The following KCNK10 variants were observed in gnomAD, a reference collection of about 807,000 sequenced individuals.
KCNK10 encodes the protein potassium two pore domain channel subfamily K member 10, also known as potassium channel subfamily K member 10.
Under a neutral mutation model 47.7 loss-of-function variants are expected in KCNK10, and 25 were observed. That is an observed-to-expected ratio of 0.52 (90% CI 0.38 to 0.73). The LOEUF is 0.73. Among genes scored for constraint, KCNK10 ranks in the 30% least tolerant of loss-of-function variants. KCNK10 has a pLI of 0.00. For synonymous variants in KCNK10, 303 were observed against 285.6 expected (o/e 1.06, Z -0.61); for missense variants, 563 against 714.5 (o/e 0.79, Z 2.42).
chr14:88,185,387 A>G lies in KCNK10; in HGVS notation c.*148T>C. 8.6e-7 allele frequency: 1 copy of G among 1,158,856 alleles called. No homozygotes were observed. The allele number at this position is 1,158,856 out of a possible 1,614,324, so 71.8% of individuals were successfully genotyped here. On this transcript the variant is annotated 3_prime_UTR_variant, in exon 7 of 7. Coordinates refer to ENST00000319231, the MANE Select transcript of KCNK10 (RefSeq NM_138317.3). The surrounding 1 kb of genome is among the most constrained non-coding windows in gnomAD (Gnocchi z 4.3). ...ATTCCTTTTGGCAGAGCAAGCTTTC[A>G]GTTGTTTATGGCACAGTGAAATATA... is the stretch of plus-strand genomic sequence containing the variant.
At chr14:88,310,254 T>TCATATGGTATATGATATACCA (rs1888300023) in intron 1 of KCNK10, among the ~76,000 whole-genome samples, 1 of 25,244 alleles carries the variant, frequency 4.0e-5, no homozygotes, top group African/African-American at 2.3e-4. Context: ...TGATATGCAT[T>TCATATGGTATATGATATACCA]TATCATGGTA....
At chr14:88,191,715 T>C (rs1056583175) in intron 5 of KCNK10, among the ~76,000 whole-genome samples, 3 of 152,210 alleles carry the variant, frequency 2.0e-5, no homozygotes, top group Non-Finnish European at 4.4e-5. Flanking sequence ...CTCTGGGCAG[T>C]TCTCAGCTCC....
At chr14:88,226,284 T>C (rs1595091354) in intron 4 of KCNK10, among the ~76,000 whole-genome samples, 1 of 152,192 alleles carries the variant, frequency 6.6e-6, no homozygotes, top group East Asian at 1.9e-4. Context: ...TTCTACTCTT[T>C]TTAAAAAGCC....
chr14:88,235,273 T>A (rs1186106271), intron 3 of KCNK10: 1 of 456,450 alleles, frequency 2.2e-6, no homozygotes, highest in South Asian at 1.6e-5. Context: ...GAATATCCAG[T>A]TTGCCTGGGG....
intron 1 of KCNK10, among the ~76,000 whole-genome samples, chr14:88,290,712 T>C (rs1406373551): frequency 6.6e-6 from 1 of 152,076 alleles, no homozygotes; most frequent in African/African-American, 2.4e-5. Flanking sequence ...AAGATGAAAA[T>C]TTACAGATGA....
At chr14:88,291,794 C>T (rs1317903969) in intron 1 of KCNK10, among the ~76,000 whole-genome samples, 2 of 152,154 alleles carry the variant, frequency 1.3e-5, no homozygotes, top group Admixed American at 1.3e-4. Flanking sequence ...GGAGGGTAGG[C>T]AACAGTGGAG....
In KCNK10 at chr14:88,260,462, G is replaced by A. The variant is rs1419109630; in HGVS notation, c.402+2740C>T. On this transcript the variant is annotated intron_variant, in intron 2 of 6. Coordinates refer to ENST00000319231, the MANE Select transcript of KCNK10 (RefSeq NM_138317.3). This position sits in a 1 kb window ranked among gnomAD's most constrained non-coding sequence, Gnocchi z 4.5. ...TTAGTCTCAGATAGTTCTTTATAGT[G>A]AGAATGGACTAATACAGCATTCAAC... 6.6e-6 allele frequency among the ~76,000 whole-genome samples: 1 copy of A among 152,148 alleles called. No homozygotes were observed. The highest frequency in any genetic ancestry group is 1.5e-5 in the Non-Finnish European group (1 of 68,028).
At chr14:88,246,963 T>C (rs1424628767) in intron 2 of KCNK10, among the ~76,000 whole-genome samples, 1 of 152,142 alleles carries the variant, frequency 6.6e-6, no homozygotes, top group Non-Finnish European at 1.5e-5. Context: ...GAGTACAGAT[T>C]AACTCAGCCC....
intron 3 of KCNK10, among the ~76,000 whole-genome samples, chr14:88,229,597 A>G (rs1886098604): frequency 6.6e-6 from 1 of 152,216 alleles, no homozygotes; most frequent in Non-Finnish European, 1.5e-5. Context: ...GCAATACTCA[A>G]ACAAGCCTTT....
At chr14:88,190,946 C>T (rs1421504412) in intron 5 of KCNK10, among the ~76,000 whole-genome samples, 1 of 152,078 alleles carries the variant, frequency 6.6e-6, no homozygotes, top group African/African-American at 2.4e-5. Context: ...TGGGATCACA[C>T]GCCAAACAAG....
In KCNK10 at chr14:88,312,597, CACT is replaced by C. The variant is rs374853557; in HGVS notation, c.52+10147_52+10149del. 2.8e-3 allele frequency among the ~76,000 whole-genome samples: 431 copies of C among 152,334 alleles called. 2 individuals carry two copies. Among genetic ancestry groups the C allele is most frequent in the African/African-American group, 9.8e-3 (406 of 41,578 alleles). ...TACCCAAGAAAGTTAAGTTGTCAGT[CACT>C]GAATCTGTAAAAGAAGGGACATTGC... On this transcript the variant is annotated intron_variant, in intron 1 of 6. Transcript: ENST00000319231.
chr14:88,185,085 C>T lies in KCNK10; in HGVS notation c.*450G>A, dbSNP rs1337425612. ...AGAGCACATGCCAAAATGTCAACTC[C>T]AACGCTAGTTACACATAACCAGCTC... On this transcript the variant is annotated 3_prime_UTR_variant, in exon 7 of 7. Coordinates refer to ENST00000319231, the MANE Select transcript of KCNK10 (RefSeq NM_138317.3). This position sits in a 1 kb window ranked among gnomAD's most constrained non-coding sequence, Gnocchi z 4.3. 6.0e-6 allele frequency: 1 copy of T among 165,352 alleles called. No homozygotes were observed. Among genetic ancestry groups the T allele is most frequent in the Admixed American group, 5.7e-5 (1 of 17,430 alleles). 10.2% of individuals were successfully genotyped at this position (165,352 alleles called of 1,614,324 possible).
chr14:88,275,143 G>C (rs574976864), intron 1 of KCNK10, among the ~76,000 whole-genome samples: 76 of 152,120 alleles, frequency 5.0e-4, no homozygotes, highest in Non-Finnish European at 9.3e-4. Context: ...TGGGGTAGGG[G>C]CTGTTCAGTC....
In KCNK10 at chr14:88,181,203, C is replaced by T. The variant is rs1178596650; in HGVS notation, c.*4332G>A. On this transcript the variant is annotated 3_prime_UTR_variant, in exon 7 of 7. Coordinates refer to ENST00000319231, the MANE Select transcript of KCNK10 (RefSeq NM_138317.3). Reference sequence around the variant, plus strand: ...ATCCAGTGGGTAAAAACCAGCCCCACCCAAACTCTGGTCACCTTCTCACTA... The same window carrying T: ...ATCCAGTGGGTAAAAACCAGCCCCATCCAAACTCTGGTCACCTTCTCACTA... The T allele has an allele frequency of 5.6e-6, 1 of 178,244 alleles. No homozygotes were observed. Among genetic ancestry groups the T allele is most frequent in the Admixed American group, 6.2e-5 (1 of 16,026 alleles). The allele number at this position is 178,244 out of a possible 1,614,324, so 11.0% of individuals were successfully genotyped here.
chr14:88,273,457 C>A (rs1209714703), intron 1 of KCNK10, among the ~76,000 whole-genome samples: 2 of 152,228 alleles, frequency 1.3e-5, no homozygotes, highest in African/African-American at 4.8e-5. Flanking sequence ...TGTTCCAGAA[C>A]TTCTGAGCAT....
At chr14:88,226,264 G>C (rs554195350) in intron 4 of KCNK10, among the ~76,000 whole-genome samples, 2 of 152,264 alleles carry the variant, frequency 1.3e-5, no homozygotes, top group African/African-American at 4.8e-5. Context: ...ATGGTGCCTC[G>C]TTCCTCCCAT....
chr14:88,311,886 A>G (rs1401449672), intron 1 of KCNK10, among the ~76,000 whole-genome samples: 1 of 151,980 alleles, frequency 6.6e-6, no homozygotes, highest in Non-Finnish European at 1.5e-5. Context: ...AATAGAGGGG[A>G]AAACAACAGA....
At chr14:88,283,166 A>G (rs1486139834) in intron 1 of KCNK10, among the ~76,000 whole-genome samples, 2 of 152,232 alleles carry the variant, frequency 1.3e-5, no homozygotes, top group Admixed American at 1.3e-4. Flanking sequence ...CATCAGGAAA[A>G]CTTGATGTGG....
At chr14:88,285,314 G>A (rs1887737034) in intron 1 of KCNK10, among the ~76,000 whole-genome samples, 1 of 152,146 alleles carries the variant, frequency 6.6e-6, no homozygotes. Context: ...GTTTCGCCAT[G>A]TTGGCCGGGG....
Sources: allele counts gnomAD v4.1 joint callset (sites outside exome capture counted in the v4.1 genomes callset), GRCh38; gene constraint gnomAD v4.1.1; non-coding constraint Gnocchi (gnomAD v3.1); transcripts MANE v1.5; gene names NCBI Gene and HGNC (gene_info 2026-07-23, HGNC 2026-07-21).